The following GPLD1 variants were observed in gnomAD, a reference collection of about 807,000 sequenced individuals.
GPLD1 encodes glycosylphosphatidylinositol specific phospholipase D1, also known as phosphatidylinositol-glycan-specific phospholipase D.
GPLD1 carries 84 observed loss-of-function variants against 112.6 expected under a neutral mutation model. The observed-to-expected ratio is 0.75, with a 90% confidence interval of 0.63 to 0.89. The LOEUF (loss-of-function observed/expected upper bound fraction) is 0.89. Among genes scored for constraint, GPLD1 ranks in the 40% least tolerant of loss-of-function variants. GPLD1 has a pLI of 0.00. For missense variants in GPLD1, 1,044 were observed against 1,051.5 expected (o/e 0.99, Z 0.10); for synonymous variants, 386 against 403.8 (o/e 0.96, Z 0.53).
chr6:24,466,966 G>T, intron 8 of GPLD1, 27 bp from the exon 9 acceptor site: 5 of 1,594,768 alleles, frequency 3.1e-6, no homozygotes, highest in Non-Finnish European at 4.3e-6. Context: ...AATTTTGGCT[G>T]TGAGTTGCAG....
At chr6:24,480,558 TACGCACGCACACAAACAAGCACGC>T (rs1316100768) in intron 2 of GPLD1, among the ~76,000 whole-genome samples, 65 of 152,364 alleles carry the variant, frequency 4.3e-4, no homozygotes, top group African/African-American at 1.4e-3. Context: ...CAAACGCACG[TACGCACGCACACAAACAAGCACGC>T]ACATATGTGC....
chr6:24,443,130 A>T (rs1476899870), intron 20 of GPLD1, among the ~76,000 whole-genome samples: 1 of 152,166 alleles, frequency 6.6e-6, no homozygotes, highest in African/African-American at 2.4e-5. Context: ...TACTACTGTT[A>T]CTGCTTGAGA....
chr6:24,478,203 C>T (rs1006013143), intron 3 of GPLD1, among the ~76,000 whole-genome samples: 3 of 152,094 alleles, frequency 2.0e-5, no homozygotes, highest in Non-Finnish European at 4.4e-5. Context: ...CCCATGAATA[C>T]AGTTTGGGAA....
chr6:24,439,909 A>G (rs911418789), intron 20 of GPLD1, among the ~76,000 whole-genome samples: 1 of 152,056 alleles, frequency 6.6e-6, no homozygotes, highest in Non-Finnish European at 1.5e-5. Context: ...TATCTTTTAG[A>G]CCTCCATATT....
chr6:24,476,539 C>T (rs1334527999), intron 3 of GPLD1, among the ~76,000 whole-genome samples: 3 of 152,144 alleles, frequency 2.0e-5, no homozygotes, highest in South Asian at 4.1e-4. Context: ...CTCACGGAAT[C>T]GCAAGCCCGG....
At chr6:24,453,940 A>G (rs1336657618) in intron 14 of GPLD1, 75 bp downstream of exon 14, 1 of 902,234 alleles carries the variant, frequency 1.1e-6, no homozygotes, top group Admixed American at 2.2e-5. Flanking sequence ...TTAGTTACTC[A>G]TCCTGGAGAA....
intron 3 of GPLD1, among the ~76,000 whole-genome samples, chr6:24,477,020 G>GT (rs897644517): frequency 4.8e-4 from 72 of 151,118 alleles, no homozygotes; most frequent in African/African-American, 6.6e-4. Context: ...TAAATCATTG[G>GT]TTTTTTTTCA....
intron 20 of GPLD1, among the ~76,000 whole-genome samples, chr6:24,438,606 A>G (rs1272188989): frequency 6.6e-6 from 1 of 152,242 alleles, no homozygotes; most frequent in Non-Finnish European, 1.5e-5. Flanking sequence ...GCTAGAAAAC[A>G]GTAGGAAATA....
At chr6:24,444,131 A>G (rs1401462157) in intron 20 of GPLD1, among the ~76,000 whole-genome samples, 1 of 152,232 alleles carries the variant, frequency 6.6e-6, no homozygotes, top group Non-Finnish European at 1.5e-5. Flanking sequence ...CCAAAAAACT[A>G]ATCAGAAAGG....
chr6:24,453,976 A>G (rs886197219), intron 14 of GPLD1, 39 bp downstream of exon 14: 51 of 1,344,004 alleles, frequency 3.8e-5, no homozygotes, highest in Non-Finnish European at 4.8e-5. Context: ...AAGAGTAGCT[A>G]CTAACCACTA....
chr6:24,470,009 C>T (rs1384157136), intron 7 of GPLD1, among the ~76,000 whole-genome samples: 1 of 152,024 alleles, frequency 6.6e-6, no homozygotes, highest in African/African-American at 2.4e-5. Context: ...AGAAATTTTT[C>T]AAAGGCCAAA....
At chr6:24,491,177 G>T (rs1235104431), upstream of GPLD1, among the ~76,000 whole-genome samples, 1 of 152,120 alleles carries the variant, frequency 6.6e-6, no homozygotes, top group African/African-American at 2.4e-5. Flanking sequence ...AATGTGTGCA[G>T]GTTTCCACAC....
chr6:24,460,244 T>A, intron 12 of GPLD1, 35 bp downstream of exon 12: 2 of 1,611,648 alleles, frequency 1.2e-6, no homozygotes, highest in Non-Finnish European at 1.7e-6. Context: ...AGAAGCAGCA[T>A]TCCTCTTTCT....
In GPLD1 at chr6:24,462,801, G is replaced by C; in HGVS notation, c.822-6C>G. The C allele has an allele frequency of 1.9e-6, 3 of 1,605,492 alleles. No individual in the cohort carries two copies. Among genetic ancestry groups the C allele is most frequent in the Non-Finnish European group, 2.6e-6 (3 of 1,172,160 alleles). On this transcript the variant is annotated splice_polypyrimidine_tract_variant and splice_region_variant and intron_variant, in intron 10 of 24. Transcript: ENST00000230036. ...TCTCAGGCAGGTTGCAGTCACTGAGGAAACAGTCAAATGAGTTAGCCATTT... is the reference window on the plus strand; with the variant it reads ...TCTCAGGCAGGTTGCAGTCACTGAGCAAACAGTCAAATGAGTTAGCCATTT...
intron 12 of GPLD1, among the ~76,000 whole-genome samples, chr6:24,457,650 A>C (rs1373782620): frequency 6.6e-6 from 1 of 152,116 alleles, no homozygotes; most frequent in Non-Finnish European, 1.5e-5. Context: ...TGGGAGGTCA[A>C]GGTGGGAGGA....
At chr6:24,479,040 A>G (rs1218910552) in intron 3 of GPLD1, among the ~76,000 whole-genome samples, 1 of 152,152 alleles carries the variant, frequency 6.6e-6, no homozygotes, top group African/African-American at 2.4e-5. Flanking sequence ...GCATCAGCCT[A>G]ATGGGTACAG....
chr6:24,487,719 A>G (rs1464663750), intron 1 of GPLD1, among the ~76,000 whole-genome samples: 1 of 152,216 alleles, frequency 6.6e-6, no homozygotes, highest in Non-Finnish European at 1.5e-5. Flanking sequence ...GCTCAGAATC[A>G]CACATCTACT....
chr6:24,427,798 A>G lies in GPLD1; in HGVS notation c.*1234T>C, dbSNP rs935448291. Among the ~76,000 whole-genome samples the G allele has an allele frequency of 6.8e-6, 1 of 146,144 alleles. No homozygotes were observed. The highest frequency in any genetic ancestry group is 1.5e-5 in the Non-Finnish European group (1 of 67,314). On this transcript the variant is annotated 3_prime_UTR_variant, in exon 25 of 25. Coordinates refer to ENST00000230036, the MANE Select transcript of GPLD1 (RefSeq NM_001503.4). ...GAGGCGGAGGTTGCAGTGAGCTGAG[A>G]TCACATCACTGCACTCCAGCCTGGG...
chr6:24,487,765 C>T (rs59061545), intron 1 of GPLD1, among the ~76,000 whole-genome samples: 29,238 of 152,080 alleles, frequency 0.19, 3,117 homozygotes, highest in African/African-American at 0.28. Flanking sequence ...TAAGTCTGAT[C>T]CTCTTTTCCA....
Sources: allele counts gnomAD v4.1 joint callset (sites outside exome capture counted in the v4.1 genomes callset), GRCh38; gene constraint gnomAD v4.1.1; transcripts MANE v1.5; gene names NCBI Gene and HGNC (gene_info 2026-07-23, HGNC 2026-07-21).